The following C4orf36 variants were observed in gnomAD, a reference collection of about 807,000 sequenced individuals.
C4orf36 encodes the protein uncharacterized protein C4orf36.
In C4orf36, 11 loss-of-function variants were observed where a neutral mutation model predicts 12.2. That is an observed-to-expected ratio of 0.90 (90% confidence interval 0.57 to 1.49). C4orf36 has a LOEUF of 1.49. C4orf36 is among the 40% of genes most tolerant of loss of function. The pLI is 0.00. For missense variants in C4orf36, 137 were observed against 133.9 expected (o/e 1.02, Z -0.11); for synonymous variants, 54 against 51.3 (o/e 1.05, Z -0.22).
At chr4:86,931,652 T>C in the C4orf36 span, among the ~76,000 whole-genome samples, 1 of 152,114 alleles carries the variant, frequency 6.6e-6, no homozygotes. Flanking sequence ...TCCTGCCTCA[T>C]CCTCCCAACG....
At chr4:86,936,104 A>G in the C4orf36 span, 1 of 152,140 alleles carries the variant, frequency 6.6e-6, no homozygotes, top group East Asian at 1.9e-4. Context: ...GCAAATTGTT[A>G]TGCAGATCAT....
At chr4:86,908,956 G>A in the C4orf36 span, among the ~76,000 whole-genome samples, 1 of 152,128 alleles carries the variant, frequency 6.6e-6, no homozygotes, top group Non-Finnish European at 1.5e-5. Context: ...TTGGGAGGAA[G>A]TGCTTGTACT....
chr4:86,897,544 T>G, the C4orf36 span, among the ~76,000 whole-genome samples: 1 of 152,182 alleles, frequency 6.6e-6, no homozygotes, highest in African/African-American at 2.4e-5. Context: ...TCCCATTGTA[T>G]CCTTACAAAA....
chr4:86,889,887 T>C (rs2149423020), intron 2 of C4orf36, among the ~76,000 whole-genome samples: 1 of 152,102 alleles, frequency 6.6e-6, no homozygotes, highest in South Asian at 2.1e-4. Context: ...AGTGATACCC[T>C]GTCTTGATAA....
At chr4:86,877,980 G>A (rs1746966603) in intron 4 of C4orf36, among the ~76,000 whole-genome samples, 1 of 152,164 alleles carries the variant, frequency 6.6e-6, no homozygotes, top group African/African-American at 2.4e-5. Flanking sequence ...TTGGCCGTGA[G>A]TTGATAAGTG....
chr4:86,907,594 A>G, the C4orf36 span, among the ~76,000 whole-genome samples: 1 of 152,152 alleles, frequency 6.6e-6, no homozygotes, highest in African/African-American at 2.4e-5. Flanking sequence ...GGGTATTTTC[A>G]TGAGGAAACA....
At chr4:86,917,512 G>C in the C4orf36 span, among the ~76,000 whole-genome samples, 2 of 146,284 alleles carry the variant, frequency 1.4e-5, no homozygotes, top group Non-Finnish European at 3.0e-5. Context: ...AAGAGAAAAA[G>C]AAGAAAGAAA....
the C4orf36 span, chr4:86,913,504 C>G: frequency 1.2e-6 from 1 of 813,024 alleles, no homozygotes; most frequent in Admixed American, 1.8e-5. Flanking sequence ...TTTGGAACGT[C>G]CAACCTGGAG....
At chr4:86,885,553 C>A (rs1041303485) in intron 4 of C4orf36, among the ~76,000 whole-genome samples, 2 of 152,082 alleles carry the variant, frequency 1.3e-5, no homozygotes, top group Admixed American at 6.6e-5. Context: ...GATTTTGTAT[C>A]CTGAGACTTT....
chr4:86,887,538 C>T, intron 4 of C4orf36: 2 of 426,780 alleles, frequency 4.7e-6, no homozygotes, highest in Admixed American at 4.0e-5. Flanking sequence ...AATGCATTTT[C>T]ATCTACTTAC....
the C4orf36 span, among the ~76,000 whole-genome samples, chr4:86,903,678 T>G: frequency 6.6e-6 from 1 of 152,198 alleles, no homozygotes; most frequent in South Asian, 2.1e-4. Context: ...AAGTTGCCGC[T>G]GCTTGCTCTG....
upstream of C4orf36, among the ~76,000 whole-genome samples, chr4:86,897,374 A>AACAT (rs1247978470): frequency 6.6e-6 from 1 of 152,134 alleles, no homozygotes; most frequent in African/African-American, 2.4e-5. Flanking sequence ...AAAGAAAAAA[A>AACAT]ACATACATAC....
In C4orf36 at chr4:86,892,401, G is replaced by A. The variant is rs1747460457; in HGVS notation, c.-292C>T. On this transcript the variant is annotated 5_prime_UTR_variant, in exon 1 of 5. Transcript: ENST00000295898. ...CGCCGCAGGCACACGCCTCCTTCCCGCTCGCCGCGGGCGCCGAGTCTGGGG... is the reference window on the plus strand; with the variant it reads ...CGCCGCAGGCACACGCCTCCTTCCCACTCGCCGCGGGCGCCGAGTCTGGGG... The A allele has an allele frequency of 2.0e-6, 2 of 985,456 alleles. No homozygotes were observed. The highest frequency in any genetic ancestry group is 6.1e-5 in the Admixed American group (1 of 16,272). The allele number at this position is 985,456 out of a possible 1,614,324, so 61.0% of individuals were successfully genotyped here. A position where few individuals can be genotyped will look rare whatever the true frequency, so the allele number is the denominator to read the frequency against.
At chr4:86,916,582 G>GC in the C4orf36 span, among the ~76,000 whole-genome samples, 1 of 152,104 alleles carries the variant, frequency 6.6e-6, no homozygotes, top group African/African-American at 2.4e-5. Flanking sequence ...TGGCACCATT[G>GC]CCATATGATT....
At chr4:86,919,763 G>C in the C4orf36 span, among the ~76,000 whole-genome samples, 1 of 152,098 alleles carries the variant, frequency 6.6e-6, no homozygotes, top group Admixed American at 6.5e-5. Context: ...AGCTGGGTGT[G>C]GTGGCTAACA....
At chr4:86,903,296 G>A in the C4orf36 span, among the ~76,000 whole-genome samples, 6 of 152,110 alleles carry the variant, frequency 3.9e-5, no homozygotes, top group Admixed American at 3.3e-4. Context: ...TGGATCACGA[G>A]GTCAAGAGAT....
chr4:86,904,232 C>T, the C4orf36 span, among the ~76,000 whole-genome samples: 1 of 152,224 alleles, frequency 6.6e-6, no homozygotes, highest in Non-Finnish European at 1.5e-5. Context: ...TGCGCCCACC[C>T]GGAACCCGCG....
chr4:86,921,840 C>T, the C4orf36 span, among the ~76,000 whole-genome samples: 30 of 152,308 alleles, frequency 2.0e-4, no homozygotes, highest in African/African-American at 7.0e-4. Flanking sequence ...CGCATTCTTT[C>T]CTTCCTGCCC....
chr4:86,919,119 GGAGAGAGAGA>G, the C4orf36 span, among the ~76,000 whole-genome samples: 56 of 145,334 alleles, frequency 3.9e-4, no homozygotes, highest in African/African-American at 1.1e-3. Context: ...CCCAGCTCCA[GGAGAGAGAGA>G]GAGAGAGAGA....
Sources: allele counts gnomAD v4.1 joint callset (sites outside exome capture counted in the v4.1 genomes callset), GRCh38; gene constraint gnomAD v4.1.1; transcripts MANE v1.5; gene names NCBI Gene and HGNC (gene_info 2026-07-23, HGNC 2026-07-21).